NCKAP5: variants seen among roughly 807,000 people sequenced by gnomAD.
The protein encoded by NCKAP5 is nck-associated protein 5.
Under a neutral mutation model 167.0 loss-of-function variants are expected in NCKAP5, and 92 were observed. That is an observed-to-expected ratio of 0.55 (90% confidence interval 0.47 to 0.66). The LOEUF (loss-of-function observed/expected upper bound fraction) is 0.66, where lower values mean the gene tolerates loss of function less well. Among genes scored for constraint, NCKAP5 ranks in the 30% least tolerant of loss-of-function variants. The probability of loss-of-function intolerance (pLI) is 0.00; values close to 1 mark genes in which losing one functional copy is unlikely to be tolerated. For missense variants in NCKAP5, 2,378 were observed against 2,315.0 expected (o/e 1.03, Z -0.56); for synonymous variants, 891 against 877.4 (o/e 1.02, Z -0.27).
chr2:133,357,143 G>T (rs1684786795), intron 3 of NCKAP5, among the ~76,000 whole-genome samples: 1 of 152,102 alleles, frequency 6.6e-6, no homozygotes, highest in Non-Finnish European at 1.5e-5. Flanking sequence ...TACCTAGTGG[G>T]CCCTCAAAAA....
intron 7 of NCKAP5, among the ~76,000 whole-genome samples, chr2:132,987,697 A>G (rs1330902392): frequency 6.6e-6 from 1 of 152,126 alleles, no homozygotes; most frequent in Non-Finnish European, 1.5e-5. Context: ...AGAGAACCAA[A>G]AACTTGGACA....
intron 3 of NCKAP5, among the ~76,000 whole-genome samples, chr2:133,380,266 T>G (rs1686426358): frequency 6.6e-6 from 1 of 152,170 alleles, no homozygotes; most frequent in South Asian, 2.1e-4. Context: ...GGGAGAAGAT[T>G]TTTTTTCACT....
intron 8 of NCKAP5, among the ~76,000 whole-genome samples, chr2:132,883,303 T>G (rs1333258609): frequency 6.6e-6 from 1 of 151,996 alleles, no homozygotes; most frequent in African/African-American, 2.4e-5. Context: ...TTCCTTTCTC[T>G]CCTTTTTTCC....
intron 8 of NCKAP5, among the ~76,000 whole-genome samples, chr2:132,937,135 C>G (rs1221010976): frequency 6.6e-6 from 1 of 152,122 alleles, no homozygotes; most frequent in Non-Finnish European, 1.5e-5. Flanking sequence ...GAGCTGCCCC[C>G]ATAAATACGT....
At chr2:132,718,548 T>G (rs1269039629) in intron 19 of NCKAP5, among the ~76,000 whole-genome samples, 1 of 152,206 alleles carries the variant, frequency 6.6e-6, no homozygotes, top group African/African-American at 2.4e-5. Context: ...TCCATGAAGT[T>G]TCATCATTGA....
At chr2:132,917,678 T>C (rs1348828939) in intron 8 of NCKAP5, among the ~76,000 whole-genome samples, 1 of 152,116 alleles carries the variant, frequency 6.6e-6, no homozygotes, top group Admixed American at 6.5e-5. Context: ...GCCCTACAGG[T>C]GCACCTTTGT....
the NCKAP5 span, among the ~76,000 whole-genome samples, chr2:133,617,981 G>A: frequency 6.6e-6 from 1 of 152,054 alleles, no homozygotes; most frequent in Non-Finnish European, 1.5e-5. Flanking sequence ...ACAGAACAGA[G>A]GCCTCAGAAA....
chr2:133,057,556 T>C lies in NCKAP5; in HGVS notation c.342-63317A>G, dbSNP rs190386652. The stretch of plus-strand genomic sequence containing the variant: ...AGGACAAAGCAGCTACAATATCCCC[T>C]TAAGCCAAAGCCTAGCCTGCAGCAA... On this transcript the variant is annotated intron_variant, in intron 6 of 19. Transcript: ENST00000409261. Among the ~76,000 whole-genome samples the C allele has an allele frequency of 4.5e-3, 680 of 152,316 alleles. 1 individual carries two copies. Among genetic ancestry groups the C allele is most frequent in the South Asian group, 9.3e-3 (45 of 4,818 alleles).
rs1338296430 is a variant in NCKAP5, at chr2:132,870,524, G to A, written c.649-1550C>T. Among the ~76,000 whole-genome samples, 3 of 151,914 alleles carry A rather than the reference G, an allele frequency of 2.0e-5. No homozygotes were observed. In the South Asian group the frequency reaches 6.2e-4, roughly 32 times the overall value. ...TCTACTTGCAAAGCTAGATGATTGG[G>A]CCATGGTCCTTGACTTCAAAGACTC... On this transcript the variant is annotated intron_variant, in intron 9 of 19. Transcript: ENST00000409261.
intron 8 of NCKAP5, among the ~76,000 whole-genome samples, chr2:132,916,075 C>G (rs1259308600): frequency 1.3e-5 from 2 of 151,968 alleles, no homozygotes; most frequent in African/African-American, 4.8e-5. Flanking sequence ...TGCTAGACCT[C>G]AGTGAGCAGA....
At chr2:133,517,433 T>A in intron 3 of NCKAP5, 25 bp downstream of exon 3, 1 of 1,341,632 alleles carries the variant, frequency 7.5e-7, no homozygotes, top group Non-Finnish European at 9.9e-7. Flanking sequence ...ACATATAGAG[T>A]GGTAAATGAA....
intron 6 of NCKAP5, among the ~76,000 whole-genome samples, chr2:133,100,368 A>T (rs576366131): frequency 6.6e-6 from 1 of 152,214 alleles, no homozygotes; most frequent in Non-Finnish European, 1.5e-5. Context: ...TTTTATGTAC[A>T]TTATTTTACT....
At chr2:133,382,776 A>G (rs1384142224) in intron 3 of NCKAP5, among the ~76,000 whole-genome samples, 1 of 152,202 alleles carries the variant, frequency 6.6e-6, no homozygotes, top group African/African-American at 2.4e-5. Context: ...GGGGCATTAT[A>G]TGATCAATGT....
chr2:132,795,732 T>TC (rs1379469104), intron 12 of NCKAP5, among the ~76,000 whole-genome samples: 1 of 146,768 alleles, frequency 6.8e-6, no homozygotes, highest in Non-Finnish European at 1.5e-5. Flanking sequence ...GGCAGGAGAG[T>TC]CATTTGAACC....
chr2:132,686,730 T>C (rs1012106420), intron 19 of NCKAP5, among the ~76,000 whole-genome samples: 2 of 152,202 alleles, frequency 1.3e-5, no homozygotes. Flanking sequence ...TACTTTCTGG[T>C]GGAGAATACA....
chr2:133,327,527 T>C (rs1682536336), intron 3 of NCKAP5, among the ~76,000 whole-genome samples: 1 of 152,152 alleles, frequency 6.6e-6, no homozygotes, highest in South Asian at 2.1e-4. Context: ...CTTAATAAAC[T>C]GGTTGGTCTG....
At chr2:132,844,104 C>T (rs34876311) in intron 11 of NCKAP5, among the ~76,000 whole-genome samples, 11,969 of 152,046 alleles carry the variant, frequency 0.079, 948 homozygotes, top group African/African-American at 0.19. Flanking sequence ...TTTAGACTAA[C>T]AGAATCTACC....
chr2:132,703,414 T>C (rs1204550875), intron 19 of NCKAP5, among the ~76,000 whole-genome samples: 1 of 152,190 alleles, frequency 6.6e-6, no homozygotes, highest in Non-Finnish European at 1.5e-5. Context: ...CATGTTAGAT[T>C]TTAATTTTGA....
intron 8 of NCKAP5, among the ~76,000 whole-genome samples, chr2:132,939,528 A>G (rs1281365982): frequency 6.6e-6 from 1 of 152,102 alleles, no homozygotes; most frequent in Non-Finnish European, 1.5e-5. Flanking sequence ...CAAGTGCTGT[A>G]AGACCTATTT....
Sources: gnomAD v4.1 joint callset for allele counts (sites outside exome capture counted in the v4.1 genomes callset) on GRCh38, gnomAD v4.1.1 for gene constraint, MANE v1.5 for transcripts, NCBI Gene and HGNC (gene_info 2026-07-23, HGNC 2026-07-21) for gene names.